Variants in TBC1D2B observed in about 807,000 individuals in gnomAD.
The protein encoded by TBC1D2B is TBC1 domain family member 2B.
TBC1D2B carries 64 observed loss-of-function variants against 100.8 expected under a neutral mutation model. That is an observed-to-expected ratio of 0.64 (90% CI 0.52 to 0.78). The LOEUF (loss-of-function observed/expected upper bound fraction) is 0.78, where lower values mean the gene tolerates loss of function less well. Among genes scored for constraint, TBC1D2B ranks in the 30% least tolerant of loss-of-function variants. The pLI, the probability that TBC1D2B is intolerant of heterozygous loss-of-function variation, is 0.00. For missense variants in TBC1D2B, 1,052 were observed against 1,218.4 expected, an observed-to-expected ratio of 0.86 and a Z score of 2.03; for synonymous variants, 480 against 479.7, an observed-to-expected ratio of 1.00 and a Z score of -0.01.
chr15:78,062,572 C>T (rs2073569472), intron 1 of TBC1D2B, among the ~76,000 whole-genome samples: 1 of 152,178 alleles, frequency 6.6e-6, no homozygotes, highest in Non-Finnish European at 1.5e-5. Context: ...ATGAACATAG[C>T]TGCATCACCA....
chr15:78,012,936 G>A lies in TBC1D2B; in HGVS notation c.2157C>T (p.Pro719=). The change falls in exon 9 of 13, where the codon CCC becomes CCT. Residue 719 remains proline (P), a synonymous_variant. Transcript: ENST00000300584. ...QIELDLLRTL[P]NNKHYSCPTS... Reference sequence around the variant, plus strand: ...TGGGGCAGGAGTAATGTTTGTTGTTGGGCAGAGTTCGCAGCAAGTCCAGCT... The same window carrying A: ...TGGGGCAGGAGTAATGTTTGTTGTTAGGCAGAGTTCGCAGCAAGTCCAGCT... 1 of 1,556,826 alleles carries A rather than the reference G, an allele frequency of 6.4e-7. No homozygotes were observed. The highest frequency in any genetic ancestry group is 8.7e-7 in the Non-Finnish European group (1 of 1,148,968).
intron 12 of TBC1D2B, 179 bp from the exon 13 acceptor site, chr15:77,998,534 C>T: frequency 1.8e-6 from 1 of 552,796 alleles, no homozygotes; most frequent in Non-Finnish European, 3.1e-6. Flanking sequence ...GCACAATGGC[C>T]CAGCCAGGGG....
chr15:78,054,272 T>C (rs934125118), intron 1 of TBC1D2B, 85 bp from the exon 2 acceptor site: 21 of 1,338,376 alleles, frequency 1.6e-5, no homozygotes, highest in East Asian at 2.7e-5. Context: ...AGTAGACTGT[T>C]CAGCTTGCCA....
intron 3 of TBC1D2B, among the ~76,000 whole-genome samples, chr15:78,036,356 G>A (rs2072945923): frequency 6.6e-6 from 1 of 152,202 alleles, no homozygotes; most frequent in African/African-American, 2.4e-5. Flanking sequence ...ACTTGCTATG[G>A]TTTGAATATC....
At chr15:78,048,712 A>G (rs1477175772) in intron 2 of TBC1D2B, among the ~76,000 whole-genome samples, 3 of 152,106 alleles carry the variant, frequency 2.0e-5, no homozygotes, top group African/African-American at 7.2e-5. Context: ...CTTCCCACTT[A>G]CTGCATTCTA....
intron 7 of TBC1D2B, 64 bp from the exon 8 acceptor site, chr15:78,016,803 C>G: frequency 3.7e-6 from 5 of 1,340,720 alleles, no homozygotes; most frequent in Non-Finnish European, 5.0e-6. Flanking sequence ...TCTTTAGGTA[C>G]GCAAATGACC....
intron 1 of TBC1D2B, among the ~76,000 whole-genome samples, chr15:78,060,414 A>C (rs572164517): frequency 1.3e-5 from 2 of 151,454 alleles, no homozygotes; most frequent in East Asian, 3.9e-4. Context: ...CAGGTGGGTG[A>C]ATCACTTGGG....
At chr15:78,066,012 C>G (rs1444870761) in intron 1 of TBC1D2B, 2 of 471,058 alleles carry the variant, frequency 4.2e-6, no homozygotes, top group African/African-American at 4.0e-5. Flanking sequence ...GCTGAGGGAT[C>G]TGAAAGTACT....
Position 77,997,568 on chromosome 15 carries a change from T to C in TBC1D2B, c.*592A>G, listed in dbSNP as rs2071796844. ...GGAAGAGCAAAGGCTATTCTAGAAA[T>C]GGGGCATGGCTGGCAGCTTAAAGCC... is the stretch of plus-strand genomic sequence containing the variant. On this transcript the variant is annotated 3_prime_UTR_variant, in exon 13 of 13. Coordinates refer to ENST00000300584, the MANE Select transcript of TBC1D2B (RefSeq NM_144572.2). The C allele has an allele frequency of 6.6e-6, 1 of 152,274 alleles. No homozygotes were observed. Among genetic ancestry groups the C allele is most frequent in the African/African-American group, 2.4e-5 (1 of 41,442 alleles). 9.4% of individuals were successfully genotyped at this position (152,274 alleles called of 1,614,324 possible). A position where few individuals can be genotyped will look rare whatever the true frequency, so the allele number is the denominator to read the frequency against.
chr15:78,028,678 T>C (rs931138007), intron 4 of TBC1D2B, among the ~76,000 whole-genome samples: 1 of 152,242 alleles, frequency 6.6e-6, no homozygotes, highest in Non-Finnish European at 1.5e-5. Context: ...ACAGCATTCC[T>C]GTCGAATCAG....
intron 10 of TBC1D2B, among the ~76,000 whole-genome samples, chr15:78,008,173 G>A (rs535218465): frequency 6.6e-6 from 1 of 152,344 alleles, no homozygotes; most frequent in African/African-American, 2.4e-5. Context: ...ATGATTCAAG[G>A]GCCAAGGATC....
chr15:78,031,297 T>TA, intron 3 of TBC1D2B, among the ~76,000 whole-genome samples: 1 of 152,296 alleles, frequency 6.6e-6, no homozygotes, highest in Non-Finnish European at 1.5e-5. Context: ...CTAATGCCTG[T>TA]AATCCCAGTA....
At chr15:78,075,461 G>C (rs531729133) in intron 1 of TBC1D2B, among the ~76,000 whole-genome samples, 1 of 152,266 alleles carries the variant, frequency 6.6e-6, no homozygotes, top group South Asian at 2.1e-4. Context: ...GCCTCCCAAA[G>C]TGCTGGGATT....
chr15:78,054,421 G>A (rs1446930137), intron 1 of TBC1D2B, among the ~76,000 whole-genome samples: 1 of 152,220 alleles, frequency 6.6e-6, no homozygotes, highest in East Asian at 1.9e-4. Context: ...TTTAAATTCT[G>A]AAATTAAAGA....
In TBC1D2B at chr15:78,077,603, C is replaced by T; in HGVS notation, c.50G>A (p.Gly17Asp). The change falls in exon 1 of 13, where the codon GGC becomes GAC. Residue 17 changes from glycine (G) to aspartate (D), a missense_variant. Gly to Asp is a moderately conservative substitution (Grantham distance 94). Transcript: ENST00000300584. Reference protein sequence around the residue: ...RAEEGGGGGEGAAQGAAAEPG... With the variant: ...RAEEGGGGGEDAAQGAAAEPG... ...CTCCGCGGCCGCCCCCTGCGCCGCG[C>T]CCTCGCCGCCGCCGCCGCCCTCCTC... The T allele has an allele frequency of 9.2e-7, 1 of 1,084,920 alleles. No homozygotes were observed. 67.2% of individuals were successfully genotyped at this position (1,084,920 alleles called of 1,614,324 possible).
chr15:78,008,375 A>G (rs1360854291), intron 10 of TBC1D2B, among the ~76,000 whole-genome samples: 2 of 152,216 alleles, frequency 1.3e-5, no homozygotes, highest in East Asian at 1.9e-4. Flanking sequence ...GTTCATTCCC[A>G]GCAGCAGGGC....
At chr15:78,009,582 G>C (rs2072165127) in intron 9 of TBC1D2B, among the ~76,000 whole-genome samples, 1 of 151,628 alleles carries the variant, frequency 6.6e-6, no homozygotes. Flanking sequence ...TAAAATTTGA[G>C]AAGCAAAGCT....
chr15:78,040,594 AAG>A (rs2073051130), intron 3 of TBC1D2B, among the ~76,000 whole-genome samples: 1 of 34,862 alleles, frequency 2.9e-5, no homozygotes, highest in African/African-American at 5.7e-5. Context: ...GGGAGAAAGA[AAG>A]AGAGAAAGTG....
rs1477724533 is a variant in TBC1D2B, at chr15:78,077,675, G to A, written c.-23C>T. ...CATCGCTACCGCGCGCCAACCGTAG[G>A]CGCCCGCGCCCTGCGCCTCCGCGCC... On this transcript the variant is annotated 5_prime_UTR_variant, in exon 1 of 13. Transcript: ENST00000300584. The A allele has an allele frequency of 2.1e-5, 21 of 986,372 alleles. No homozygotes were observed. Among genetic ancestry groups the A allele is most frequent in the Non-Finnish European group, 2.4e-5 (20 of 831,568 alleles). The allele number at this position is 986,372 out of a possible 1,614,324, so 61.1% of individuals were successfully genotyped here. A position where few individuals can be genotyped will look rare whatever the true frequency, so the allele number is the denominator to read the frequency against.
Sources: allele counts gnomAD v4.1 joint callset (sites outside exome capture counted in the v4.1 genomes callset), GRCh38; gene constraint gnomAD v4.1.1; transcripts MANE v1.5; gene names NCBI Gene and HGNC (gene_info 2026-07-23, HGNC 2026-07-21).